BABAM2: variants seen among roughly 807,000 people sequenced by gnomAD.
BABAM2 encodes the protein BRISC and BRCA1 A complex member 2, also known as BRISC and BRCA1-A complex member 2.
Under a neutral mutation model 54.7 loss-of-function variants are expected in BABAM2, and 31 were observed. The ratio of observed to expected loss-of-function variants is 0.57; its 90% confidence interval spans 0.43 to 0.77. The LOEUF is 0.77. Ranked by LOEUF, BABAM2 falls within the 30% of genes least tolerant of loss-of-function variation. The pLI is 0.00. For synonymous variants in BABAM2, 167 were observed against 162.9 expected (o/e 1.03, Z -0.19); for missense variants, 364 against 455.8 (o/e 0.80, Z 1.83).
chr2:27,994,263 G>T (rs1672978749), intron 4 of BABAM2, among the ~76,000 whole-genome samples: 2 of 152,160 alleles, frequency 1.3e-5, no homozygotes, highest in Non-Finnish European at 2.9e-5. Context: ...GTAAGTACCA[G>T]GGACTTGGAA....
At chr2:28,155,406 T>C (rs1672452060) in intron 7 of BABAM2, among the ~76,000 whole-genome samples, 1 of 152,118 alleles carries the variant, frequency 6.6e-6, no homozygotes, top group Non-Finnish European at 1.5e-5. Flanking sequence ...ATTTATTCAT[T>C]TATTCATAAA....
intron 7 of BABAM2, among the ~76,000 whole-genome samples, chr2:28,132,651 C>CT (rs1670189880): frequency 6.6e-6 from 1 of 152,160 alleles, no homozygotes. Flanking sequence ...AAATACTATA[C>CT]TTTTTCTAAG....
intron 10 of BABAM2, among the ~76,000 whole-genome samples, chr2:28,250,360 C>T (rs1683336897): frequency 8.2e-6 from 1 of 122,472 alleles, no homozygotes; most frequent in Non-Finnish European, 1.7e-5. Flanking sequence ...TATTGAATTA[C>T]TTTCTTAGCG....
intron 3 of BABAM2, among the ~76,000 whole-genome samples, chr2:27,956,343 A>T (rs1670086309): frequency 6.6e-6 from 1 of 152,170 alleles, no homozygotes; most frequent in Admixed American, 6.5e-5. Context: ...TCATAGAAAC[A>T]CCCCAAATCC....
chr2:28,107,804 G>C (rs774949158), intron 6 of BABAM2, among the ~76,000 whole-genome samples: 2 of 152,156 alleles, frequency 1.3e-5, no homozygotes, highest in Non-Finnish European at 2.9e-5. Flanking sequence ...GATCCTTAGT[G>C]CCTTTAGGTG....
chr2:28,265,159 G>A (rs1351585032), intron 10 of BABAM2, among the ~76,000 whole-genome samples: 9 of 152,136 alleles, frequency 5.9e-5, no homozygotes, highest in Non-Finnish European at 1.5e-5. Context: ...CAATTAGGCC[G>A]GGCGCGGTGG....
chr2:28,265,644 A>G (rs1289178088), intron 10 of BABAM2, among the ~76,000 whole-genome samples: 2 of 152,024 alleles, frequency 1.3e-5, no homozygotes, highest in Non-Finnish European at 2.9e-5. Context: ...ACATATGTGC[A>G]CACACACACA....
intron 5 of BABAM2, among the ~76,000 whole-genome samples, chr2:28,037,282 T>C (rs1239213375): frequency 6.6e-6 from 1 of 152,180 alleles, no homozygotes; most frequent in Admixed American, 6.5e-5. Flanking sequence ...AATACTAATA[T>C]ATATTCCCCC....
At chr2:27,890,384 C>T (rs777387047), upstream of BABAM2, 11 of 1,583,782 alleles carry the variant, frequency 6.9e-6, 1 homozygote, top group South Asian at 1.0e-4. This position sits in a 1 kb window ranked among gnomAD's most constrained non-coding sequence, Gnocchi z 4.8. Context: ...ACGGTGACCT[C>T]TGCCCTTTGC....
rs35545683 is a variant in BABAM2 at position 28,250,318 on chromosome 2, CT to C, written c.934+5477del. ...AGTAAGGGGAAGGGCATTTGTTGAA[CT>C]TTTTTTTTTTTTTTTTTTTTAGCTA... is the stretch of plus-strand genomic sequence containing the variant. On this transcript the variant is annotated intron_variant, in intron 10 of 11. Transcript: ENST00000379624. Among the ~76,000 whole-genome samples, 1,009 of 118,786 alleles carry C rather than the reference CT, an allele frequency of 8.5e-3. 6 individuals are homozygous for C. Among genetic ancestry groups the C allele is most frequent in the African/African-American group, 0.029 (923 of 31,422 alleles). 77.9% of individuals were successfully genotyped at this position (118,786 alleles called of 152,430 possible). A position where few individuals can be genotyped will look rare whatever the true frequency, so the allele number is the denominator to read the frequency against.
At chr2:28,076,931 A>G (rs1293635270) in intron 6 of BABAM2, among the ~76,000 whole-genome samples, 4 of 152,166 alleles carry the variant, frequency 2.6e-5, no homozygotes, top group East Asian at 3.8e-4. Context: ...ATCATTGCCT[A>G]ATTTAGGTGA....
chr2:28,176,588 A>AAAAAAAAAAAC lies in BABAM2; in HGVS notation c.680+47216_680+47217insAACAAAAAAAA, dbSNP rs1435355693. On this transcript the variant is annotated intron_variant, in intron 7 of 11. Coordinates refer to ENST00000379624, the MANE Select transcript of BABAM2 (RefSeq NM_199191.3). ...CTATCTCAAAAAAAAAAAAAAAAAA[A>AAAAAAAAAAAC]AAAAAAAACCTCACTGAGATATAAG... Among the ~76,000 whole-genome samples the AAAAAAAAAAAC allele has an allele frequency of 1.4e-5, 2 of 144,998 alleles. 1 individual carries two copies. Among genetic ancestry groups the AAAAAAAAAAAC allele is most frequent in the Non-Finnish European group, 3.0e-5 (2 of 66,076 alleles).
Position 28,043,371 on chromosome 2 carries a change from C to T in BABAM2, c.496-2354C>T, listed in dbSNP as rs534298859. Among the ~76,000 whole-genome samples, 13 of 152,100 alleles carry T rather than the reference C, an allele frequency of 8.5e-5. No homozygotes were observed. In the South Asian group the frequency reaches 2.3e-3, roughly 27 times the overall value. ...GTCTCGAACTCCTGACCTTGTGATCCGCCTGCCTTGGCCTTGCAAAGTGCT... is the reference window on the plus strand; with the variant it reads ...GTCTCGAACTCCTGACCTTGTGATCTGCCTGCCTTGGCCTTGCAAAGTGCT... On this transcript the variant is annotated intron_variant, in intron 5 of 11. Transcript: ENST00000379624.
intron 6 of BABAM2, among the ~76,000 whole-genome samples, chr2:28,082,217 G>A (rs940340242): frequency 2.6e-5 from 4 of 152,204 alleles, no homozygotes; most frequent in Non-Finnish European, 4.4e-5. Context: ...TCAGTTTTAG[G>A]TTAAAAGTGT....
At chr2:28,095,516 A>G (rs984670767) in intron 6 of BABAM2, among the ~76,000 whole-genome samples, 1 of 152,172 alleles carries the variant, frequency 6.6e-6, no homozygotes, top group Non-Finnish European at 1.5e-5. Context: ...GAAGCCTTCT[A>G]TTCATAGTCC....
intron 2 of BABAM2, among the ~76,000 whole-genome samples, chr2:27,910,898 A>G (rs1666533801): frequency 6.6e-6 from 1 of 152,154 alleles, no homozygotes; most frequent in Admixed American, 6.5e-5. Context: ...CTTGAATTGT[A>G]GTTTCCATAA....
At chr2:27,997,610 GTTA>G (rs2148505794) in intron 4 of BABAM2, among the ~76,000 whole-genome samples, 1 of 152,270 alleles carries the variant, frequency 6.6e-6, no homozygotes, top group Non-Finnish European at 1.5e-5. Context: ...GAAAGCATGT[GTTA>G]TAAACAAGGC....
intron 7 of BABAM2, among the ~76,000 whole-genome samples, chr2:28,231,804 TTTTTTTTTTTTTTTTTTTTAA>T (rs2148042400): frequency 1.2e-5 from 1 of 84,118 alleles, no homozygotes; most frequent in African/African-American, 5.2e-5. Flanking sequence ...TTTTTTTTTT[TTTTTTTTTTTTTTTTTTTTAA>T]GAGACAGAGT....
chr2:27,991,985 A>C lies in BABAM2; in HGVS notation c.300+3898A>C, dbSNP rs1672814128. ...TTTACATTCTTACCAGAAGTGTATG[A>C]GTGTTTCAGTTTCTCCACATTCTCA... On this transcript the variant is annotated intron_variant, in intron 4 of 11. Transcript: ENST00000379624. Among the ~76,000 whole-genome samples the C allele has an allele frequency of 2.0e-5, 3 of 152,180 alleles. No individual in the cohort carries two copies. In the South Asian group the frequency reaches 6.2e-4, roughly 32 times the overall value.
Sources: allele counts gnomAD v4.1 joint callset (sites outside exome capture counted in the v4.1 genomes callset), GRCh38; gene constraint gnomAD v4.1.1; non-coding constraint Gnocchi (gnomAD v3.1); transcripts MANE v1.5; gene names NCBI Gene and HGNC (gene_info 2026-07-23, HGNC 2026-07-21).